SMG1: variants seen among roughly 807,000 people sequenced by gnomAD.
The protein encoded by SMG1 is SMG1 nonsense mediated mRNA decay associated PI3K related kinase, also known as serine/threonine-protein kinase SMG1.
SMG1 carries 22 observed loss-of-function variants against 419.9 expected under a neutral mutation model. That is an observed-to-expected ratio of 0.05 (90% CI 0.04 to 0.07). SMG1 has a LOEUF of 0.07. Among genes scored for constraint, SMG1 ranks in the 10% least tolerant of loss-of-function variants. The probability of loss-of-function intolerance (pLI) is 1.00; values close to 1 mark genes in which losing one functional copy is unlikely to be tolerated. For missense variants in SMG1, 3,185 were observed against 4,342.0 expected, an observed-to-expected ratio of 0.73 and a Z score of 7.49; for synonymous variants, 1,538 against 1,553.5, an observed-to-expected ratio of 0.99 and a Z score of 0.23.
At chr16:18,840,964 G>A (rs1410070954) in intron 41 of SMG1, among the ~76,000 whole-genome samples, 1 of 152,146 alleles carries the variant, frequency 6.6e-6, no homozygotes, top group East Asian at 1.9e-4. Context: ...GAAGGCTGAG[G>A]TGGGAGGAAT....
Position 18,826,967 on chromosome 16 carries a change from C to T in SMG1, c.9741+1064G>A, listed in dbSNP as rs200142241. 4.4e-4 allele frequency among the ~76,000 whole-genome samples: 19 copies of T among 42,858 alleles called. 2 individuals are homozygous for T. The highest frequency in any genetic ancestry group is 3.8e-3 in the East Asian group (12 of 3,134). The allele number at this position is 42,858 out of a possible 152,430, so 28.1% of individuals were successfully genotyped here. A position where few individuals can be genotyped will look rare whatever the true frequency, so the allele number is the denominator to read the frequency against. ...TGTGGGATATAGTCTCGTGGTGCGC[C>T]GTTTCTTAAGCCGGTCTGAAAAGCG... On this transcript the variant is annotated intron_variant, in intron 55 of 62. Coordinates refer to ENST00000446231, the MANE Select transcript of SMG1 (RefSeq NM_015092.5).
rs369260502 is a variant in SMG1, at chr16:18,842,448, G to A, written c.6226C>T (p.Leu2076=). Residue 2076 remains leucine, a synonymous_variant, in exon 40 of 63, where the codon CTA becomes TTA. Transcript: ENST00000446231. ...TTCTGTGCTCTCTGTTGCAAACTTA[G>A]CATTATCTATATTCATAAGATGGGA... ...SSWIPFKEIM[L]SLQQRAQKRA... 3 of 1,613,100 alleles carry A rather than the reference G, an allele frequency of 1.9e-6. No homozygotes were observed. The highest frequency in any genetic ancestry group is 2.5e-6 in the Non-Finnish European group (3 of 1,179,348).
At chr16:18,905,000 G>A (rs1183759791) in intron 1 of SMG1, among the ~76,000 whole-genome samples, 2 of 151,954 alleles carry the variant, frequency 1.3e-5, no homozygotes, top group Non-Finnish European at 1.5e-5. Flanking sequence ...GGTGGCTTAC[G>A]CCTGTAATCC....
intron 8 of SMG1, 90 bp downstream of exon 8, chr16:18,885,000 T>C: frequency 1.5e-6 from 1 of 651,114 alleles, no homozygotes; most frequent in Non-Finnish European, 2.7e-6. Flanking sequence ...TCTTGCATTA[T>C]TAAAGAAATG....
rs2035025946 is a variant in SMG1 at position 18,858,261 on chromosome 16, A to G, written c.4143T>C (p.Ala1381=). 1.2e-6 allele frequency: 2 copies of G among 1,609,286 alleles called. No homozygotes were observed. Among genetic ancestry groups the G allele is most frequent in the African/African-American group, 2.7e-5 (2 of 74,684 alleles). Residue 1381 remains alanine (A), a synonymous_variant, in exon 29 of 63, where the codon GCT becomes GCC. Transcript: ENST00000446231. ...EDCLIPLFSE[A]LRSCKQHDVR... ...CGTCATGCTGTTTACATGAACGTAAAGCTTCACTGAAGAGTGGAATAAGAC... is the reference window on the plus strand; with the variant it reads ...CGTCATGCTGTTTACATGAACGTAAGGCTTCACTGAAGAGTGGAATAAGAC...
In SMG1 at chr16:18,830,054, C is replaced by T; in HGVS notation, c.9005G>A (p.Ser3002Asn). 2.5e-6 allele frequency: 4 copies of T among 1,603,880 alleles called. No homozygotes were observed. Among genetic ancestry groups the T allele is most frequent in the Non-Finnish European group, 3.4e-6 (4 of 1,174,524 alleles). The change falls in exon 53 of 63, where the codon AGT becomes AAT. Residue 3002 changes from serine to asparagine, a missense_variant. Around this residue, in one of 27 missense-constraint regions of SMG1, gnomAD observed 737 missense variants for 846.6 expected, o/e 0.87. Coordinates refer to ENST00000446231, the MANE Select transcript of SMG1 (RefSeq NM_015092.5). ...RKIDIIREAR[S>N]TQVNFFDDDN... Reference sequence around the variant, plus strand: ...ATCATCAAAAAAATTAACTTGAGTACTCCTGGCTTCCCTTATGATGTCAAT... The same window carrying T: ...ATCATCAAAAAAATTAACTTGAGTATTCCTGGCTTCCCTTATGATGTCAAT...
In SMG1 at chr16:18,913,438, G is replaced by A. The variant is rs537817172; in HGVS notation, c.92+12512C>T. ...GCTAAAGGGAACAGAGTAAAGGTACGTTTTTAATTAATAAATTTAAATGAG... is the reference window on the plus strand; with the variant it reads ...GCTAAAGGGAACAGAGTAAAGGTACATTTTTAATTAATAAATTTAAATGAG... On this transcript the variant is annotated intron_variant, in intron 1 of 62. Coordinates refer to ENST00000446231, the MANE Select transcript of SMG1 (RefSeq NM_015092.5). Among the ~76,000 whole-genome samples the A allele has an allele frequency of 1.1e-4, 17 of 151,758 alleles. No homozygotes were observed. The South Asian group carries it at 2.7e-3, about 24-fold the overall frequency.
chr16:18,885,538 C>T lies in SMG1; in HGVS notation c.948+3G>A. On this transcript the variant is annotated splice_donor_region_variant and intron_variant, in intron 7 of 62. Transcript: ENST00000446231. ...GATCTGAAAAGCGGAATGAGGAACT[C>T]ACCCTAAAATTAGTGCTGAAAATAT... The T allele has an allele frequency of 1.3e-6, 2 of 1,596,076 alleles. No homozygotes were observed. The highest frequency in any genetic ancestry group is 1.7e-6 in the Non-Finnish European group (2 of 1,179,546).
At chr16:18,874,881 AAAAAAAAAAAAAAAAAAAAG>A (rs2036025626) in intron 13 of SMG1, among the ~76,000 whole-genome samples, 1 of 82,972 alleles carries the variant, frequency 1.2e-5, no homozygotes, top group Non-Finnish European at 2.4e-5. Flanking sequence ...AAAAAAAAAA[AAAAAAAAAAAAAAAAAAAAG>A]CCTTTTTTTT....
intron 54 of SMG1, 55 bp downstream of exon 54, chr16:18,829,231 C>T: frequency 1.4e-6 from 2 of 1,413,946 alleles, no homozygotes; most frequent in South Asian, 1.4e-5. Flanking sequence ...TAATTTCCCC[C>T]ATTTTTCAAG....
intron 3 of SMG1, among the ~76,000 whole-genome samples, chr16:18,893,529 G>A (rs1294778519): frequency 6.6e-6 from 1 of 152,170 alleles, no homozygotes; most frequent in Non-Finnish European, 1.5e-5. Flanking sequence ...GGAGGCTGAG[G>A]TGGGAGGATC....
intron 51 of SMG1, 21 bp downstream of exon 51, chr16:18,832,919 G>A (rs201285639): frequency 1.3e-6 from 2 of 1,595,554 alleles, no homozygotes; most frequent in South Asian, 2.2e-5. Flanking sequence ...CAAGGAAACG[G>A]CACAGCCAGC....
chr16:18,853,544 T>G, intron 31 of SMG1, 39 bp downstream of exon 31: 1 of 1,453,630 alleles, frequency 6.9e-7, no homozygotes, highest in Non-Finnish European at 9.1e-7. Context: ...AAATATAGCT[T>G]CTAAAATTAA....
chr16:18,888,814 A>G (rs113847524), intron 6 of SMG1, among the ~76,000 whole-genome samples: 3 of 130,586 alleles, frequency 2.3e-5, no homozygotes, highest in Admixed American at 8.0e-5. Context: ...TAACTTCAAC[A>G]TGTATCTTTT....
rs1411656690 is a variant in SMG1, at chr16:18,854,685, A to G, written c.4454T>C (p.Ile1485Thr). The G allele has an allele frequency of 2.5e-6, 4 of 1,613,454 alleles. No homozygotes were observed. Among genetic ancestry groups the G allele is most frequent in the Non-Finnish European group, 3.4e-6 (4 of 1,179,808 alleles). The change falls in exon 30 of 63, where the codon ATT becomes ACT. Residue 1485 changes from isoleucine (I) to threonine (T), a missense_variant. By Grantham distance (89) the Ile-to-Thr change is moderately conservative (BLOSUM62 -1). This residue lies in a region of SMG1 where 493 missense variants were observed against 552.9 expected (regional missense o/e 0.89). Transcript: ENST00000446231. ...TGTATAAAGCAATTTGGTTTTTTCA[A>G]TATCAAGTTCGGGCCCCCATTTTTC... ...VDEKWGPELDIEKTKLLYTAG... is the reference protein window; with the variant it reads ...VDEKWGPELDTEKTKLLYTAG...
chr16:18,873,596 A>G (rs145772663), intron 13 of SMG1, among the ~76,000 whole-genome samples: 6 of 152,302 alleles, frequency 3.9e-5, no homozygotes, highest in African/African-American at 1.2e-4. Flanking sequence ...AAATCAGTGA[A>G]TTATACATTT....
At position 18,832,849 on chromosome 16, in the gene SMG1, A is replaced by G. The variant is rs1448459535; in HGVS notation, c.8792+91T>C. ...AGTAATTATACCTGCTCTAAAAACT[A>G]AAAGTAAACTTACGTTAAAGAGCTC... is the stretch of plus-strand genomic sequence containing the variant. On this transcript the variant is annotated intron_variant, in intron 51 of 62. Transcript: ENST00000446231. 5.2e-6 allele frequency: 6 copies of G among 1,158,014 alleles called. No homozygotes were observed. The East Asian group carries it at 1.4e-4, about 27-fold the overall frequency. 71.7% of individuals were successfully genotyped at this position (1,158,014 alleles called of 1,614,324 possible).
At chr16:18,844,775 C>T (rs530144597) in intron 39 of SMG1, among the ~76,000 whole-genome samples, 4 of 151,758 alleles carry the variant, frequency 2.6e-5, no homozygotes, top group African/African-American at 9.7e-5. Flanking sequence ...CAGTTAGGAG[C>T]AATAAAGGTA....
intron 1 of SMG1, among the ~76,000 whole-genome samples, chr16:18,919,757 AAAAC>A (rs776343657): frequency 1.3e-5 from 2 of 151,722 alleles, no homozygotes; most frequent in African/African-American, 2.4e-5. Context: ...CCTGTTATAA[AAAAC>A]AAACAAACCT....
Sources: gnomAD v4.1 joint callset for allele counts (sites outside exome capture counted in the v4.1 genomes callset) on GRCh38, gnomAD v4.1.1 for gene constraint, gnomAD v4.1.1 regional missense constraint, MANE v1.5 for transcripts, NCBI Gene and HGNC (gene_info 2026-07-23, HGNC 2026-07-21) for gene names.